The following RGS1 variants were observed in gnomAD, a reference collection of about 807,000 sequenced individuals.
The protein encoded by RGS1 is regulator of G protein signaling 1.
RGS1 carries 11 observed loss-of-function variants against 22.2 expected under a neutral mutation model. The ratio of observed to expected loss-of-function variants is 0.50; its 90% CI spans 0.31 to 0.82. RGS1 has a LOEUF of 0.82. Among genes scored for constraint, RGS1 ranks in the 40% least tolerant of loss-of-function variants. The probability of loss-of-function intolerance (pLI) is 0.04; values close to 1 mark genes in which losing one functional copy is unlikely to be tolerated. For synonymous variants in RGS1, 81 were observed against 79.9 expected, an observed-to-expected ratio of 1.01 and a Z score of -0.07; for missense variants, 255 against 245.8, an observed-to-expected ratio of 1.04 and a Z score of -0.25.
intron 1 of RGS1, 149 bp from the exon 2 acceptor site, chr1:192,576,136 A>G: frequency 3.4e-6 from 3 of 887,162 alleles, no homozygotes. Flanking sequence ...TTTTCTCTAC[A>G]CAGGCTCATA....
intron 3 of RGS1, 56 bp downstream of exon 3, chr1:192,576,891 T>C: frequency 1.4e-6 from 2 of 1,431,758 alleles, no homozygotes; most frequent in South Asian, 1.2e-5. Flanking sequence ...AAAAATTGAA[T>C]GGCTTCACTA....
At chr1:192,578,937 G>A in intron 4 of RGS1, 200 bp from the exon 5 acceptor site, 1 of 547,594 alleles carries the variant, frequency 1.8e-6, no homozygotes, top group Non-Finnish European at 3.1e-6. Flanking sequence ...GAGGAAATTT[G>A]GAACAAAGAC....
In RGS1 at chr1:192,579,611, T is replaced by A. The variant is rs1662131480; in HGVS notation, c.*289T>A. ...CTCAGAACTGGGAAGGCCAGGTAAC[T>A]CTAGTTACACAGAAACTGTGACTAA... On this transcript the variant is annotated 3_prime_UTR_variant, in exon 5 of 5. Transcript: ENST00000367459. 3.4e-6 allele frequency: 1 copy of A among 295,076 alleles called. No homozygotes were observed. The highest frequency in any genetic ancestry group is 4.9e-5 in the Admixed American group (1 of 20,250). 18.3% of individuals were successfully genotyped at this position (295,076 alleles called of 1,614,324 possible).
At position 192,576,370 on chromosome 1, in the gene RGS1, G is replaced by A. The variant is rs1329780598; in HGVS notation, c.218+5G>A. ...ATCTTCCAAGTCCAAGGATGTGTAA[G>A]TACACTAATACACTAAACTATCATT... On this transcript the variant is annotated splice_donor_5th_base_variant and intron_variant, in intron 2 of 4. Transcript: ENST00000367459. 2 of 1,585,216 alleles carry A rather than the reference G, an allele frequency of 1.3e-6. No homozygotes were observed. Among genetic ancestry groups the A allele is most frequent in the African/African-American group, 1.3e-5 (1 of 74,234 alleles).
At position 192,578,225 on chromosome 1, in the gene RGS1, G is replaced by A. The variant is rs748410689; in HGVS notation, c.284G>A (p.Gly95Asp). 6.2e-7 allele frequency: 1 copy of A among 1,609,290 alleles called. No homozygotes were observed. Among genetic ancestry groups the A allele is most frequent in the Admixed American group, 1.7e-5 (1 of 59,290 alleles). Residue 95 changes from glycine (G) to aspartate (D), a missense_variant, in exon 4 of 5, where the codon GGT becomes GAT. Physicochemically the swap from Gly to Asp is moderately conservative, Grantham distance 94 (BLOSUM62 -1). Transcript: ENST00000367459. ...CCCACCCCTCGTTTCTTTTTAGCTG[G>A]TCAAAATGTCTTTGGAAGTTTCCTA... is the stretch of plus-strand genomic sequence containing the variant. Reference protein sequence around the residue: ...SLEKLLANQTGQNVFGSFLKS... With the variant: ...SLEKLLANQTDQNVFGSFLKS...
intron 3 of RGS1, chr1:192,577,125 AG>A: frequency 3.2e-6 from 1 of 310,526 alleles, no homozygotes; most frequent in Non-Finnish European, 5.9e-6. Flanking sequence ...AAATTTTAAA[AG>A]TAAGCCAAAT....
intron 4 of RGS1, 174 bp downstream of exon 4, chr1:192,578,559 A>G (rs1662105913): frequency 1.3e-6 from 1 of 741,674 alleles, no homozygotes; most frequent in Non-Finnish European, 2.1e-6. Context: ...TATATTGGTG[A>G]GGGTTTCAGC....
rs1203086997 is a variant in RGS1, at chr1:192,579,594, T to G, written c.*272T>G. On this transcript the variant is annotated 3_prime_UTR_variant, in exon 5 of 5. Transcript: ENST00000367459. ...TCTGTATTAGAAAGCCCCTCAGAAC[T>G]GGGAAGGCCAGGTAACTCTAGTTAC... 1 of 329,404 alleles carries G rather than the reference T, an allele frequency of 3.0e-6. No homozygotes were observed. Among genetic ancestry groups the G allele is most frequent in the Non-Finnish European group, 5.5e-6 (1 of 181,380 alleles). The allele number at this position is 329,404 out of a possible 1,614,324, so 20.4% of individuals were successfully genotyped here.
chr1:192,576,173 T>C (rs534712682), intron 1 of RGS1, 112 bp from the exon 2 acceptor site: 3 of 976,712 alleles, frequency 3.1e-6, no homozygotes, highest in Non-Finnish European at 3.1e-6. Context: ...CAAAATGTTG[T>C]ATCAACCATT....
intron 4 of RGS1, 99 bp from the exon 5 acceptor site, chr1:192,579,038 G>A: frequency 9.1e-7 from 1 of 1,101,674 alleles, no homozygotes; most frequent in Non-Finnish European, 1.3e-6. Context: ...TTTAAATGAG[G>A]CCTTAAAATT....
chr1:192,578,696 A>G (rs1662108368), intron 4 of RGS1: 2 of 457,792 alleles, frequency 4.4e-6, no homozygotes, highest in Non-Finnish European at 7.6e-6. Flanking sequence ...CTTGTTTTGG[A>G]TAAGAAAATG....
Position 192,579,399 on chromosome 1 carries a change from C to G in RGS1, c.*77C>G. 1 of 1,424,990 alleles carries G rather than the reference C, an allele frequency of 7.0e-7. No homozygotes were observed. Among genetic ancestry groups the G allele is most frequent in the Non-Finnish European group, 9.6e-7 (1 of 1,036,840 alleles). The allele number at this position is 1,424,990 out of a possible 1,614,324, so 88.3% of individuals were successfully genotyped here. A position where few individuals can be genotyped will look rare whatever the true frequency, so the allele number is the denominator to read the frequency against. ...GTGCCAGTATGGCTCCCTGGGTGAA[C>G]AGCTTGGCCTTTTTTGGGTGTCTTG... On this transcript the variant is annotated 3_prime_UTR_variant, in exon 5 of 5. Coordinates refer to ENST00000367459, the MANE Select transcript of RGS1 (RefSeq NM_002922.4).
At position 192,579,693 on chromosome 1, in the gene RGS1, CT is replaced by C. The variant is rs1662133029; in HGVS notation, c.*372del. 1 of 179,236 alleles carries C rather than the reference CT, an allele frequency of 5.6e-6. No homozygotes were observed. Among genetic ancestry groups the C allele is most frequent in the African/African-American group, 2.4e-5 (1 of 41,914 alleles). 11.1% of individuals were successfully genotyped at this position (179,236 alleles called of 1,614,324 possible). A position where few individuals can be genotyped will look rare whatever the true frequency, so the allele number is the denominator to read the frequency against. ...GAATCAAAGTCAACTGACATCTATG[CT>C]ACATATTATTATATAGTTTGTACTG... On this transcript the variant is annotated 3_prime_UTR_variant, in exon 5 of 5. Coordinates refer to ENST00000367459, the MANE Select transcript of RGS1 (RefSeq NM_002922.4).
intron 2 of RGS1, 189 bp from the exon 3 acceptor site, chr1:192,576,585 T>C (rs1571548161): frequency 1.5e-6 from 1 of 665,792 alleles, no homozygotes; most frequent in Non-Finnish European, 2.5e-6. Flanking sequence ...CAAATTTTAT[T>C]GGCAGGTTTT....
intron 1 of RGS1, 140 bp downstream of exon 1, chr1:192,576,069 T>A: frequency 9.7e-7 from 1 of 1,032,854 alleles, no homozygotes; most frequent in Non-Finnish European, 1.4e-6. Context: ...GAGTAATAAG[T>A]AATATTCAGC....
intron 3 of RGS1, chr1:192,577,699 G>T (rs1378480952): frequency 1.9e-5 from 3 of 157,924 alleles, no homozygotes; most frequent in Non-Finnish European, 4.2e-5. Context: ...GACCATAAAT[G>T]GTGCCATATA....
Position 192,575,803 on chromosome 1 carries a change from CA to C in RGS1, c.12del (p.Ala5ProfsTer7). ...TTTGCTAAGAGCACCATGCGCGCAGCAGCCATCTCCACTCCAAAGTTAGACA... is the reference window on the plus strand; with the variant it reads ...TTTGCTAAGAGCACCATGCGCGCAGCGCCATCTCCACTCCAAAGTTAGACA... MRAAAISTPKLDKM... is the reference protein window; with the variant it reads MRAXAISTPKLDKM... On this transcript the variant is annotated frameshift_variant, in exon 1 of 5. Transcript: ENST00000367459. LOFTEE classifies it high-confidence loss of function. 6.2e-7 allele frequency: 1 copy of C among 1,613,178 alleles called. No homozygotes were observed. The highest frequency in any genetic ancestry group is 8.5e-7 in the Non-Finnish European group (1 of 1,179,338).
At chr1:192,577,631 C>G (rs952968150) in intron 3 of RGS1, 1 of 154,046 alleles carries the variant, frequency 6.5e-6, no homozygotes, top group Non-Finnish European at 1.4e-5. Flanking sequence ...ACATTGTTCA[C>G]TCTAGCTCAG....
At chr1:192,576,459 A>G in intron 2 of RGS1, 94 bp downstream of exon 2, 1 of 852,296 alleles carries the variant, frequency 1.2e-6, no homozygotes. Context: ...TACTGCGCAC[A>G]GTAGACTTCA....
Sources: gnomAD v4.1 joint callset for allele counts on GRCh38, gnomAD v4.1.1 for gene constraint, MANE v1.5 for transcripts, NCBI Gene and HGNC (gene_info 2026-07-23, HGNC 2026-07-21) for gene names.